EYS: variants seen among roughly 807,000 people sequenced by gnomAD.
EYS encodes the protein EGF-like photoreceptor maintenance factor.
EYS carries 250 observed loss-of-function variants against 282.1 expected under a neutral mutation model. That is an observed-to-expected ratio of 0.89 (90% CI 0.80 to 0.98). EYS has a LOEUF of 0.98. Ranked by LOEUF, EYS falls within the 50% of genes least tolerant of loss-of-function variation. The pLI is 0.00. For synonymous variants in EYS, 1,355 were observed against 1,282.9 expected, an observed-to-expected ratio of 1.06 and a Z score of -1.20; for missense variants, 4,016 against 3,709.0, an observed-to-expected ratio of 1.08 and a Z score of -2.15.
chr6:65,419,290 A>G (rs1767362771), intron 5 of EYS, among the ~76,000 whole-genome samples: 1 of 151,972 alleles, frequency 6.6e-6, no homozygotes, highest in Non-Finnish European at 1.5e-5. Flanking sequence ...ATATTAAAAT[A>G]GAAATTTTAT....
intron 21 of EYS, among the ~76,000 whole-genome samples, chr6:64,819,450 T>C (rs1764836203): frequency 6.6e-6 from 1 of 152,040 alleles, no homozygotes; most frequent in African/African-American, 2.4e-5. Context: ...AACTAACCCA[T>C]ATATAGAAAT....
chr6:65,147,997 T>C (rs1187299679), intron 12 of EYS, among the ~76,000 whole-genome samples: 1 of 152,044 alleles, frequency 6.6e-6, no homozygotes, highest in Non-Finnish European at 1.5e-5. Flanking sequence ...AGCCAATCAC[T>C]TCCCACCAGG....
chr6:64,813,644 A>G, intron 21 of EYS, 67 bp from the exon 22 acceptor site: 1 of 956,816 alleles, frequency 1.0e-6, no homozygotes. Flanking sequence ...ATATAATTAT[A>G]TTTTTATTTA....
Position 64,465,224 on chromosome 6 carries a change from A to C in EYS, c.5645-25872T>G, listed in dbSNP as rs983548004. 3.9e-5 allele frequency among the ~76,000 whole-genome samples: 6 copies of C among 152,200 alleles called. No individual in the cohort carries two copies. In the South Asian group the frequency reaches 1.2e-3, roughly 32 times the overall value. ...CAGATTCTATGTAATCCCTGTCAACATCTCAATGACATTCTAACAAAAATA... is the reference window on the plus strand; with the variant it reads ...CAGATTCTATGTAATCCCTGTCAACCTCTCAATGACATTCTAACAAAAATA... On this transcript the variant is annotated intron_variant, in intron 26 of 42. Coordinates refer to ENST00000503581, the MANE Select transcript of EYS (RefSeq NM_001142800.2).
chr6:64,419,181 C>A (rs1485190061), intron 28 of EYS, among the ~76,000 whole-genome samples: 1 of 152,094 alleles, frequency 6.6e-6, no homozygotes, highest in Non-Finnish European at 1.5e-5. Flanking sequence ...TAAAGAGATA[C>A]CCAAGACTGG....
intron 5 of EYS, among the ~76,000 whole-genome samples, chr6:65,462,633 A>G (rs761953526): frequency 4.7e-4 from 71 of 152,154 alleles, no homozygotes; most frequent in Non-Finnish European, 9.1e-4. Flanking sequence ...CTGTTGAAAT[A>G]TTCCATTATT....
chr6:64,502,945 CA>C (rs1323583542), intron 26 of EYS, among the ~76,000 whole-genome samples: 1 of 152,174 alleles, frequency 6.6e-6, no homozygotes, highest in African/African-American at 2.4e-5. Flanking sequence ...CCCTTATCAG[CA>C]ATGCAAGTTC....
rs904452281 is a variant in EYS, at chr6:65,337,694, C to T, written c.1600-2548G>A. On this transcript the variant is annotated intron_variant, in intron 10 of 42. Transcript: ENST00000503581. ...AAGCTATATTTTCTAGCTTATAAGC[C>T]GTATTCAAAATTTGTTAATTTTTAA... 1.0e-4 allele frequency among the ~76,000 whole-genome samples: 15 copies of T among 150,720 alleles called. No homozygotes were observed. In the East Asian group the frequency reaches 1.2e-3, roughly 12 times the overall value.
intron 31 of EYS, among the ~76,000 whole-genome samples, chr6:64,173,158 A>G (rs1160583048): frequency 1.3e-5 from 2 of 152,178 alleles, no homozygotes; most frequent in Non-Finnish European, 2.9e-5. Context: ...GAATTTTAAT[A>G]TAGCAGCTAA....
At chr6:65,344,665 G>C (rs1329523730) in intron 9 of EYS, among the ~76,000 whole-genome samples, 1 of 151,350 alleles carries the variant, frequency 6.6e-6, no homozygotes, top group Non-Finnish European at 1.5e-5. Context: ...TAAACTTTCT[G>C]AAAAATCAAC....
intron 29 of EYS, among the ~76,000 whole-genome samples, chr6:64,374,136 A>G (rs1772486609): frequency 1.4e-5 from 2 of 144,272 alleles, no homozygotes; most frequent in Non-Finnish European, 3.0e-5. Flanking sequence ...AAGGGAGACC[A>G]CTGGGCTGAA....
chr6:64,489,115 T>C (rs1776660766), intron 26 of EYS, among the ~76,000 whole-genome samples: 2 of 150,956 alleles, frequency 1.3e-5, no homozygotes, highest in South Asian at 4.1e-4. Flanking sequence ...CTTTCTGTTC[T>C]TTAGTTTTCA....
intron 31 of EYS, among the ~76,000 whole-genome samples, chr6:64,092,561 T>G (rs1439057578): frequency 1.3e-5 from 2 of 152,224 alleles, no homozygotes; most frequent in African/African-American, 4.8e-5. Flanking sequence ...TTTTGAGAAA[T>G]GTCTGTTCAT....
chr6:65,261,461 G>T (rs1323565348), intron 12 of EYS, among the ~76,000 whole-genome samples: 1 of 151,936 alleles, frequency 6.6e-6, no homozygotes, highest in Non-Finnish European at 1.5e-5. Context: ...CTCTTAAGTT[G>T]CTTGTGTTTA....
At chr6:63,972,803 T>C (rs1438553574) in intron 35 of EYS, among the ~76,000 whole-genome samples, 1 of 152,156 alleles carries the variant, frequency 6.6e-6, no homozygotes, top group African/African-American at 2.4e-5. Context: ...TGGTTTTCTG[T>C]TCTGTGTTAG....
chr6:63,874,325 G>C (rs999489118), intron 35 of EYS, among the ~76,000 whole-genome samples: 9 of 152,140 alleles, frequency 5.9e-5, no homozygotes, highest in South Asian at 4.1e-4. Context: ...TATTATTTCT[G>C]AGGGCTCTGT....
At chr6:64,455,110 C>T (rs1028023537) in intron 26 of EYS, among the ~76,000 whole-genome samples, 4 of 152,048 alleles carry the variant, frequency 2.6e-5, no homozygotes, top group African/African-American at 9.7e-5. Flanking sequence ...CAGGATCTCG[C>T]TATGTTACCC....
chr6:63,976,805 AG>A (rs1766857442), intron 35 of EYS, among the ~76,000 whole-genome samples: 1 of 152,038 alleles, frequency 6.6e-6, no homozygotes, highest in Non-Finnish European at 1.5e-5. Context: ...AGAGAATTGT[AG>A]AGGGGAGTTT....
intron 35 of EYS, among the ~76,000 whole-genome samples, chr6:63,878,210 C>T (rs1412660658): frequency 3.3e-5 from 5 of 152,210 alleles, no homozygotes; most frequent in African/African-American, 1.2e-4. Context: ...GGACCCTCAG[C>T]TGCAGGTCTG....
Sources: allele counts gnomAD v4.1 joint callset (sites outside exome capture counted in the v4.1 genomes callset), GRCh38; gene constraint gnomAD v4.1.1; transcripts MANE v1.5; gene names NCBI Gene and HGNC (gene_info 2026-07-23, HGNC 2026-07-21).